The following HS6ST3 variants were observed in gnomAD, a reference collection of about 807,000 sequenced individuals.
HS6ST3 encodes the protein heparan-sulfate 6-O-sulfotransferase 3.
HS6ST3 carries 12 observed loss-of-function variants against 36.7 expected under a neutral mutation model. The observed-to-expected ratio is 0.33, with a 90% CI of 0.21 to 0.53. The LOEUF is 0.53. HS6ST3 is among the 20% of genes least tolerant of loss of function. The pLI is 0.95. For synonymous variants in HS6ST3, 240 were observed against 257.5 expected, an observed-to-expected ratio of 0.93 and a Z score of 0.65; for missense variants, 584 against 640.9, an observed-to-expected ratio of 0.91 and a Z score of 0.96.
At chr13:96,459,152 T>C (rs2055770044) in intron 1 of HS6ST3, among the ~76,000 whole-genome samples, 1 of 142,704 alleles carries the variant, frequency 7.0e-6, no homozygotes, top group African/African-American at 2.6e-5. Context: ...CAGTGGAGCA[T>C]TTACAATTTG....
At chr13:96,334,261 A>T (rs1456519467) in intron 1 of HS6ST3, among the ~76,000 whole-genome samples, 1 of 152,124 alleles carries the variant, frequency 6.6e-6, no homozygotes, top group African/African-American at 2.4e-5. Context: ...AGGTGATTGT[A>T]TCATGGGGGT....
chr13:96,517,504 G>C (rs937493683), intron 1 of HS6ST3, among the ~76,000 whole-genome samples: 2 of 152,150 alleles, frequency 1.3e-5, no homozygotes, highest in Non-Finnish European at 2.9e-5. Flanking sequence ...TACCACATTG[G>C]TCTTTTATAT....
At chr13:96,190,362 C>T (rs1235389438) in intron 1 of HS6ST3, among the ~76,000 whole-genome samples, 1 of 152,176 alleles carries the variant, frequency 6.6e-6, no homozygotes, top group Non-Finnish European at 1.5e-5. Flanking sequence ...AGACTCTGTC[C>T]TGAGCTGCGT....
At chr13:96,206,651 A>T (rs1191906676) in intron 1 of HS6ST3, among the ~76,000 whole-genome samples, 1 of 152,142 alleles carries the variant, frequency 6.6e-6, no homozygotes, top group African/African-American at 2.4e-5. Context: ...CAGAAATAAG[A>T]TCACACATCT....
chr13:96,682,046 C>T (rs1175226463), intron 1 of HS6ST3, among the ~76,000 whole-genome samples: 2 of 151,974 alleles, frequency 1.3e-5, no homozygotes, highest in Admixed American at 1.3e-4. Context: ...TATCTTGGTG[C>T]CTGGACCATA....
intron 1 of HS6ST3, among the ~76,000 whole-genome samples, chr13:96,130,688 TG>T (rs1381388387): frequency 1.3e-5 from 2 of 152,210 alleles, no homozygotes; most frequent in Non-Finnish European, 2.9e-5. Flanking sequence ...CATTCATTAT[TG>T]GCCCTATTGG....
intron 1 of HS6ST3, among the ~76,000 whole-genome samples, chr13:96,611,139 T>C (rs896416364): frequency 6.7e-6 from 1 of 150,374 alleles, no homozygotes; most frequent in Non-Finnish European, 1.5e-5. Context: ...AATTTATTTA[T>C]TTATTATTAT....
intron 1 of HS6ST3, among the ~76,000 whole-genome samples, chr13:96,585,995 T>C (rs967128460): frequency 6.6e-6 from 1 of 152,220 alleles, no homozygotes; most frequent in Non-Finnish European, 1.5e-5. Context: ...TAAGTTTTTT[T>C]CATAATGGAT....
intron 1 of HS6ST3, among the ~76,000 whole-genome samples, chr13:96,534,813 G>A (rs995189711): frequency 1.2e-4 from 19 of 152,098 alleles, no homozygotes; most frequent in African/African-American, 4.3e-4. Context: ...ACAAAAATTA[G>A]CCAGGCATGG....
At chr13:96,264,825 A>G (rs2054683772) in intron 1 of HS6ST3, among the ~76,000 whole-genome samples, 2 of 152,222 alleles carry the variant, frequency 1.3e-5, no homozygotes, top group African/African-American at 4.8e-5. Flanking sequence ...ATTATTTGCC[A>G]GTGTTATAAG....
chr13:96,515,518 C>T (rs919275628), intron 1 of HS6ST3, among the ~76,000 whole-genome samples: 2 of 152,216 alleles, frequency 1.3e-5, no homozygotes, highest in Middle Eastern at 3.2e-3. Flanking sequence ...TCTGCCTTTG[C>T]ACACTCTTAC....
chr13:96,120,873 A>T (rs1396796479), intron 1 of HS6ST3, among the ~76,000 whole-genome samples: 1 of 152,228 alleles, frequency 6.6e-6, no homozygotes, highest in East Asian at 1.9e-4. Flanking sequence ...GACATGTATT[A>T]CAAAAGCAGT....
At chr13:96,563,367 A>G (rs1481815976) in intron 1 of HS6ST3, among the ~76,000 whole-genome samples, 4 of 152,182 alleles carry the variant, frequency 2.6e-5, no homozygotes, top group African/African-American at 4.8e-5. Context: ...ATCAAACCCC[A>G]AGTATCACAG....
chr13:96,697,146 T>TTA lies in HS6ST3; in HGVS notation c.708-135331_708-135330dup, dbSNP rs201888715. ...AGACAAAAAAGTACCCATGGAGATTTTATATATATATATAAAATGTATAGA... is the reference window on the plus strand; with the variant it reads ...AGACAAAAAAGTACCCATGGAGATTTTATATATATATATATAAAATGTATAGA... On this transcript the variant is annotated intron_variant, in intron 1 of 1. Transcript: ENST00000376705. Among the ~76,000 whole-genome samples, 1,056 of 151,384 alleles carry TTA rather than the reference T, an allele frequency of 7.0e-3. 8 individuals carry two copies. Among genetic ancestry groups the TTA allele is most frequent in the African/African-American group, 0.024 (974 of 41,256 alleles).
At chr13:96,577,699 T>A (rs1185331786) in intron 1 of HS6ST3, among the ~76,000 whole-genome samples, 1 of 152,096 alleles carries the variant, frequency 6.6e-6, no homozygotes, top group Non-Finnish European at 1.5e-5. Flanking sequence ...AACACACACT[T>A]CTCAAAAGAA....
chr13:96,348,794 CTT>C (rs1160619849), intron 1 of HS6ST3, among the ~76,000 whole-genome samples: 1 of 152,162 alleles, frequency 6.6e-6, no homozygotes, highest in Non-Finnish European at 1.5e-5. Context: ...ATCTGCATCT[CTT>C]TAGTTCACAC....
chr13:96,339,639 A>T (rs1438998995), intron 1 of HS6ST3, among the ~76,000 whole-genome samples: 1 of 152,208 alleles, frequency 6.6e-6, no homozygotes, highest in Non-Finnish European at 1.5e-5. Context: ...TTATTAAGTA[A>T]TTGAAGAACT....
intron 1 of HS6ST3, among the ~76,000 whole-genome samples, chr13:96,587,282 T>G (rs1482119612): frequency 6.6e-6 from 1 of 152,108 alleles, no homozygotes; most frequent in Non-Finnish European, 1.5e-5. Context: ...GTTATTCAGG[T>G]TTTTTTGTAG....
intron 1 of HS6ST3, among the ~76,000 whole-genome samples, chr13:96,522,013 C>G (rs1358936330): frequency 6.6e-6 from 1 of 152,192 alleles, no homozygotes; most frequent in East Asian, 1.9e-4. Flanking sequence ...CCTCTACACA[C>G]TGCTTTAAAT....
Sources: allele counts gnomAD v4.1 joint callset (sites outside exome capture counted in the v4.1 genomes callset), GRCh38; gene constraint gnomAD v4.1.1; transcripts MANE v1.5; gene names NCBI Gene and HGNC (gene_info 2026-07-23, HGNC 2026-07-21).